Variants in CEP290 observed in about 807,000 individuals in gnomAD.
CEP290 encodes the protein centrosomal protein 290.
In CEP290, 317 loss-of-function variants were observed where a neutral mutation model predicts 344.9. That is an observed-to-expected ratio of 0.92 (90% CI 0.84 to 1.01). The LOEUF (loss-of-function observed/expected upper bound fraction) is 1.01, where lower values mean the gene tolerates loss of function less well. Ranked by LOEUF, CEP290 falls within the 50% of genes least tolerant of loss-of-function variation. The pLI, the probability that CEP290 is intolerant of heterozygous loss-of-function variation, is 0.00. For synonymous variants in CEP290, 932 were observed against 895.8 expected, an observed-to-expected ratio of 1.04 and a Z score of -0.72; for missense variants, 2,754 against 2,761.4, an observed-to-expected ratio of 1.00 and a Z score of 0.06.
chr12:88,068,405 T>C (rs1466601505), intron 44 of CEP290, 117 bp downstream of exon 44: 3 of 603,118 alleles, frequency 5.0e-6, no homozygotes, highest in Non-Finnish European at 7.8e-6. Flanking sequence ...GAATTTACTG[T>C]ATTACTATTA....
In CEP290 at chr12:88,077,814, AT is replaced by A; in HGVS notation, c.5468del (p.Asn1823IlefsTer28). The A allele has an allele frequency of 6.5e-7, 1 of 1,535,810 alleles. No individual in the cohort carries two copies. Among genetic ancestry groups the A allele is most frequent in the Non-Finnish European group, 8.9e-7 (1 of 1,122,532 alleles). On this transcript the variant is annotated frameshift_variant, in exon 40 of 54. Coordinates refer to ENST00000552810, the MANE Select transcript of CEP290 (RefSeq NM_025114.4). LOFTEE classifies it high-confidence loss of function. ...CTTTTTGTTTCTTTTGCAGTTCATT[AT>A]TTAAGTCATTCAAATTATCAGTTAG... Reference protein sequence around the residue: ...NSLTDNLNDLNNELQKKQKAY... With the variant: ...NSLTDNLNDLXNELQKKQKAY...
intron 26 of CEP290, among the ~76,000 whole-genome samples, chr12:88,098,617 A>G (rs2037637870): frequency 2.0e-5 from 3 of 152,180 alleles, no homozygotes; most frequent in South Asian, 2.1e-4. Context: ...CTCAAAAAAA[A>G]AAAAGTTGAC....
At chr12:88,125,176 T>A (rs143016075) in intron 13 of CEP290, 70 bp downstream of exon 13, 91 of 506,102 alleles carry the variant, frequency 1.8e-4, no homozygotes, top group African/African-American at 1.8e-3. Flanking sequence ...ACTTGACATT[T>A]TATTTTAATA....
chr12:88,138,810 GC>G (rs2040478694), intron 5 of CEP290, among the ~76,000 whole-genome samples: 1 of 152,074 alleles, frequency 6.6e-6, no homozygotes, highest in South Asian at 2.1e-4. Flanking sequence ...TTAGCCTTCA[GC>G]TTTGTCAAAA....
At chr12:88,122,245 A>G (rs2137942843) in intron 13 of CEP290, among the ~76,000 whole-genome samples, 1 of 152,052 alleles carries the variant, frequency 6.6e-6, no homozygotes, top group South Asian at 2.1e-4. Context: ...ATTCTTCCAC[A>G]TGGCCCTACA....
intron 45 of CEP290, 34 bp downstream of exon 45, chr12:88,063,947 C>G (rs757872159): frequency 1.5e-4 from 230 of 1,541,768 alleles, no homozygotes; most frequent in Middle Eastern, 1.2e-3. Flanking sequence ...GAGTTTTAGG[C>G]ATTAGATTTC....
chr12:88,097,920 G>A (rs2037559214), intron 26 of CEP290, among the ~76,000 whole-genome samples: 1 of 152,138 alleles, frequency 6.6e-6, no homozygotes, highest in Non-Finnish European at 1.5e-5. Flanking sequence ...TGCCCATTCA[G>A]TGCCTATGTG....
intron 26 of CEP290, among the ~76,000 whole-genome samples, chr12:88,101,846 A>G (rs2037916191): frequency 6.6e-6 from 1 of 152,208 alleles, no homozygotes; most frequent in South Asian, 2.1e-4. Context: ...CTAAATAGGC[A>G]TAATTTTCTA....
In CEP290 at chr12:88,120,238, C is replaced by A. The variant is rs868405253; in HGVS notation, c.1398G>T (p.Lys466Asn). ...YGLEDAVVEI[K>N]NCKNQIKIRD... ...TTATTTTAATTTGGTTTTTACAATT[C>A]TTTATTTCAACGACAGCATCTTCTA... The change falls in exon 15 of 54, where the codon AAG becomes AAT. Residue 466 changes from lysine to asparagine, a missense_variant. Coordinates refer to ENST00000552810, the MANE Select transcript of CEP290 (RefSeq NM_025114.4). 4 of 1,484,476 alleles carry A rather than the reference C, an allele frequency of 2.7e-6. No individual in the cohort carries two copies. The highest frequency in any genetic ancestry group is 3.6e-6 in the Non-Finnish European group (4 of 1,103,120). 92.0% of individuals were successfully genotyped at this position (1,484,476 alleles called of 1,614,324 possible). A position where few individuals can be genotyped will look rare whatever the true frequency, so the allele number is the denominator to read the frequency against.
intron 20 of CEP290, among the ~76,000 whole-genome samples, chr12:88,113,527 A>AT (rs1328657302): frequency 6.6e-6 from 1 of 151,966 alleles, no homozygotes; most frequent in Admixed American, 6.6e-5. Flanking sequence ...ATTAATCATG[A>AT]TTTTTTTAAA....
chr12:88,114,678 G>A, intron 19 of CEP290, 116 bp from the exon 20 acceptor site: 4 of 897,462 alleles, frequency 4.5e-6, no homozygotes, highest in Non-Finnish European at 6.4e-6. Context: ...AAATCCAAAT[G>A]TAAATAAACA....
intron 49 of CEP290, among the ~76,000 whole-genome samples, chr12:88,057,184 G>A (rs1038595323): frequency 6.6e-6 from 1 of 152,064 alleles, no homozygotes; most frequent in South Asian, 2.1e-4. Flanking sequence ...GCCCCAAAGA[G>A]CCCTCTTAGA....
At chr12:88,101,420 G>T (rs1161410952) in intron 26 of CEP290, among the ~76,000 whole-genome samples, 1 of 149,150 alleles carries the variant, frequency 6.7e-6, no homozygotes, top group Admixed American at 6.7e-5. Flanking sequence ...GGTGGAGCTT[G>T]CAGTGAGCCA....
chr12:88,083,852 C>A lies in CEP290; in HGVS notation c.4807G>T (p.Ala1603Ser). Residue 1603 changes from alanine (A) to serine (S), a missense_variant, in exon 36 of 54, where the codon GCT (alanine) becomes TCT (serine). Ala to Ser is a moderately conservative substitution (Grantham distance 99). Coordinates refer to ENST00000552810, the MANE Select transcript of CEP290 (RefSeq NM_025114.4). Reference sequence around the variant, plus strand: ...CAAAGTTCTTAGAATCTTACCCAAGCCGTTTGTTTGAATTTATTTAGTGAA... The same window carrying A: ...CAAAGTTCTTAGAATCTTACCCAAGACGTTTGTTTGAATTTATTTAGTGAA... ...DSSLNKFKQT[A>S]WDLMKQSPTP... 6.4e-7 allele frequency: 1 copy of A among 1,560,114 alleles called. No individual in the cohort carries two copies. Among genetic ancestry groups the A allele is most frequent in the South Asian group, 1.2e-5 (1 of 83,500 alleles).
chr12:88,128,481 T>A (rs998481556), intron 11 of CEP290, among the ~76,000 whole-genome samples: 1 of 152,100 alleles, frequency 6.6e-6, no homozygotes, highest in Non-Finnish European at 1.5e-5. Flanking sequence ...TGGAGAGTGG[T>A]GGTGAGGAAG....
chr12:88,057,220 A>G (rs898276474), intron 49 of CEP290, among the ~76,000 whole-genome samples: 5 of 152,218 alleles, frequency 3.3e-5, no homozygotes, highest in African/African-American at 9.7e-5. Flanking sequence ...CAGAAAGGAT[A>G]TAATTTACTT....
chr12:88,102,741 G>A (rs146980540), intron 26 of CEP290, 97 bp downstream of exon 26: 18 of 890,234 alleles, frequency 2.0e-5, no homozygotes, highest in Non-Finnish European at 2.9e-5. Flanking sequence ...TATAAATGCA[G>A]GCAAACTTTA....
At chr12:88,134,082 C>A (rs1439821569) in intron 6 of CEP290, among the ~76,000 whole-genome samples, 2 of 152,138 alleles carry the variant, frequency 1.3e-5, no homozygotes, top group African/African-American at 2.4e-5. Flanking sequence ...TGTACAGGGT[C>A]TCTTGTGAAT....
At chr12:88,091,909 T>G (rs993031867) in intron 29 of CEP290, among the ~76,000 whole-genome samples, 9 of 152,182 alleles carry the variant, frequency 5.9e-5, no homozygotes, top group Non-Finnish European at 8.8e-5. Context: ...TTTTGTTTTG[T>G]TTTTCTTTGT....
Sources: gnomAD v4.1 joint callset for allele counts (sites outside exome capture counted in the v4.1 genomes callset) on GRCh38, gnomAD v4.1.1 for gene constraint, MANE v1.5 for transcripts, NCBI Gene and HGNC (gene_info 2026-07-23, HGNC 2026-07-21) for gene names.